The following DNAH8 variants were observed in gnomAD, a reference collection of about 807,000 sequenced individuals.
DNAH8 encodes the protein dynein axonemal heavy chain 8.
DNAH8 carries 382 observed loss-of-function variants against 562.1 expected under a neutral mutation model. The observed-to-expected ratio is 0.68, with a 90% CI of 0.63 to 0.74. DNAH8 has a LOEUF of 0.74. Ranked by LOEUF, DNAH8 falls within the 30% of genes least tolerant of loss-of-function variation. The probability of loss-of-function intolerance (pLI) is 0.00; values close to 1 mark genes in which losing one functional copy is unlikely to be tolerated. For synonymous variants in DNAH8, 1,881 were observed against 1,919.4 expected (o/e 0.98, Z 0.52); for missense variants, 5,203 against 5,620.4 (o/e 0.93, Z 2.37).
chr6:38,758,125 G>T (rs1582922240), intron 10 of DNAH8, among the ~76,000 whole-genome samples: 1 of 152,114 alleles, frequency 6.6e-6, no homozygotes, highest in East Asian at 1.9e-4. Flanking sequence ...GGGCAGTATG[G>T]CCATTTTCAC....
chr6:38,754,390 C>T (rs1013734095), intron 9 of DNAH8, among the ~76,000 whole-genome samples: 11 of 152,104 alleles, frequency 7.2e-5, no homozygotes, highest in Admixed American at 4.6e-4. Flanking sequence ...CTACAGATAC[C>T]ATATATAATA....
At chr6:38,818,733 A>G (rs2150327863) in intron 26 of DNAH8, among the ~76,000 whole-genome samples, 1 of 152,314 alleles carries the variant, frequency 6.6e-6, no homozygotes, top group Non-Finnish European at 1.5e-5. Context: ...ATGCCGTTAT[A>G]TATACTGTCT....
At chr6:38,766,777 T>C (rs898170409) in intron 11 of DNAH8, among the ~76,000 whole-genome samples, 4 of 152,108 alleles carry the variant, frequency 2.6e-5, no homozygotes, top group Admixed American at 6.5e-5. Context: ...CATTTCACAA[T>C]GTATACATCT....
chr6:38,771,347 CT>C (rs1767554229), intron 12 of DNAH8, among the ~76,000 whole-genome samples: 1 of 152,136 alleles, frequency 6.6e-6, no homozygotes, highest in Non-Finnish European at 1.5e-5. Flanking sequence ...TTCATACATA[CT>C]TCTTTGAAGC....
At chr6:39,029,906 C>T (rs1767554901) in intron 92 of DNAH8, among the ~76,000 whole-genome samples, 199 bp from the exon 93 acceptor site, 1 of 152,204 alleles carries the variant, frequency 6.6e-6, no homozygotes, top group African/African-American at 2.4e-5. Flanking sequence ...CTCTACAGCA[C>T]TCATAGCCTC....
chr6:38,911,553 T>C lies in DNAH8; in HGVS notation c.9826T>C (p.Phe3276Leu), dbSNP rs1216583001. 1.2e-6 allele frequency: 2 copies of C among 1,611,932 alleles called. No homozygotes were observed. The highest frequency in any genetic ancestry group is 2.2e-5 in the East Asian group (1 of 44,858). ...YKNIYAEKVKFINEQAERMNI... is the reference protein window; with the variant it reads ...YKNIYAEKVKLINEQAERMNI... Reference sequence around the variant, plus strand: ...AAACATTTATGCTGAAAAGGTGAAGTTCATTAATGAACAGGCTGAACGTAT... The same window carrying C: ...AAACATTTATGCTGAAAAGGTGAAGCTCATTAATGAACAGGCTGAACGTAT... The change falls in exon 66 of 93, where the codon TTC becomes CTC. Residue 3276 changes from phenylalanine to leucine, a missense_variant. This residue lies in a region of DNAH8 where 977 missense variants were observed against 1,061.8 expected (regional missense o/e 0.92). Coordinates refer to ENST00000327475, the MANE Select transcript of DNAH8 (RefSeq NM_001206927.2).
intron 76 of DNAH8, among the ~76,000 whole-genome samples, chr6:38,933,388 A>T (rs1420204667): frequency 6.6e-6 from 1 of 152,178 alleles, no homozygotes; most frequent in Non-Finnish European, 1.5e-5. Context: ...AACCCTCCTA[A>T]CAATCCTACT....
chr6:38,928,998 G>A (rs752027172), intron 74 of DNAH8, among the ~76,000 whole-genome samples: 9 of 152,180 alleles, frequency 5.9e-5, no homozygotes, highest in Non-Finnish European at 1.2e-4. Flanking sequence ...TGACTTTACG[G>A]AAAGTGTTAA....
intron 8 of DNAH8, among the ~76,000 whole-genome samples, chr6:38,748,192 C>T (rs776396566): frequency 6.6e-6 from 1 of 152,174 alleles, no homozygotes; most frequent in Non-Finnish European, 1.5e-5. Context: ...AAGGCATATA[C>T]AATTTAAGCT....
chr6:39,014,114 A>C (rs1413086261), intron 91 of DNAH8, among the ~76,000 whole-genome samples: 3 of 152,152 alleles, frequency 2.0e-5, no homozygotes, highest in Non-Finnish European at 1.5e-5. Context: ...TGCATTTTCC[A>C]ATACCTTAAA....
intron 17 of DNAH8, among the ~76,000 whole-genome samples, chr6:38,784,229 A>G (rs1172936635): frequency 1.3e-5 from 2 of 152,180 alleles, no homozygotes; most frequent in Admixed American, 6.5e-5. Flanking sequence ...CTGTTTATGG[A>G]GCAGAACTCT....
intron 56 of DNAH8, among the ~76,000 whole-genome samples, chr6:38,886,042 A>C (rs1778894081): frequency 6.6e-6 from 1 of 152,238 alleles, no homozygotes; most frequent in African/African-American, 2.4e-5. Context: ...AGAGATGCTC[A>C]ATAGAGACTT....
At chr6:38,983,790 A>G (rs1397436420) in intron 86 of DNAH8, among the ~76,000 whole-genome samples, 1 of 152,212 alleles carries the variant, frequency 6.6e-6, no homozygotes, top group African/African-American at 2.4e-5. Flanking sequence ...TGTTCTCGTA[A>G]TGATTCCAGA....
chr6:39,026,442 T>G, intron 91 of DNAH8, 104 bp from the exon 92 acceptor site: 1 of 1,179,238 alleles, frequency 8.5e-7, no homozygotes, highest in Non-Finnish European at 1.2e-6. Flanking sequence ...GAGATGGATG[T>G]GTAGTTTGGA....
At chr6:38,927,426 A>G (rs757198718) in intron 74 of DNAH8, among the ~76,000 whole-genome samples, 16 of 152,232 alleles carry the variant, frequency 1.1e-4, no homozygotes, top group Non-Finnish European at 1.9e-4. Flanking sequence ...ACGATACATC[A>G]GTCTATGTTT....
chr6:38,838,406 CT>C (rs201929222), intron 33 of DNAH8, among the ~76,000 whole-genome samples: 18,234 of 149,476 alleles, frequency 0.12, 1,339 homozygotes, highest in Admixed American at 0.21. Context: ...CCCTTGCCTT[CT>C]TTTTTTTTTG....
At position 38,911,619 on chromosome 6, in the gene DNAH8, G is replaced by C. The variant is rs774415872; in HGVS notation, c.9859+33G>C. 3.6e-6 allele frequency: 5 copies of C among 1,384,488 alleles called. 1 individual carries two copies. The South Asian group carries it at 4.8e-5, about 13-fold the overall frequency. 85.8% of individuals were successfully genotyped at this position (1,384,488 alleles called of 1,614,324 possible). A position where few individuals can be genotyped will look rare whatever the true frequency, so the allele number is the denominator to read the frequency against. Reference sequence around the variant, plus strand: ...GAATGGAATGGAATGGGATGGAATAGAAATAGGGTTTATTTGATAGGGATC... The same window carrying C: ...GAATGGAATGGAATGGGATGGAATACAAATAGGGTTTATTTGATAGGGATC... On this transcript the variant is annotated intron_variant, in intron 66 of 92. Transcript: ENST00000327475.
chr6:38,818,714 A>G (rs1316281462), intron 26 of DNAH8, among the ~76,000 whole-genome samples: 1 of 152,208 alleles, frequency 6.6e-6, no homozygotes, highest in East Asian at 1.9e-4. Context: ...TGCTCTCAAC[A>G]AATGCTGGAT....
At chr6:38,715,952 A>ATTTTTTTTTT (rs1562521236) in intron 1 of DNAH8, among the ~76,000 whole-genome samples, 12 of 25,700 alleles carry the variant, frequency 4.7e-4, no homozygotes, top group African/African-American at 1.4e-3. Context: ...ATATATATAT[A>ATTTTTTTTTT]TATATATATT....
Sources: gnomAD v4.1 joint callset for allele counts (sites outside exome capture counted in the v4.1 genomes callset) on GRCh38, gnomAD v4.1.1 for gene constraint, gnomAD v4.1.1 regional missense constraint, MANE v1.5 for transcripts, NCBI Gene and HGNC (gene_info 2026-07-23, HGNC 2026-07-21) for gene names.